Variants in NALCN observed in about 807,000 individuals in gnomAD.
NALCN encodes sodium leak channel, non-selective, also known as sodium leak channel NALCN.
Under a neutral mutation model 225.3 loss-of-function variants are expected in NALCN, and 111 were observed. The ratio of observed to expected loss-of-function variants is 0.49; its 90% CI spans 0.42 to 0.58. The LOEUF (loss-of-function observed/expected upper bound fraction) is 0.58. Ranked by LOEUF, NALCN falls within the 20% of genes least tolerant of loss-of-function variation. The probability of loss-of-function intolerance (pLI) is 0.00; values close to 1 mark genes in which losing one functional copy is unlikely to be tolerated. For missense variants in NALCN, 1,378 were observed against 2,202.4 expected, an observed-to-expected ratio of 0.63 and a Z score of 7.49; for synonymous variants, 764 against 769.0, an observed-to-expected ratio of 0.99 and a Z score of 0.11.
chr13:101,228,729 A>G (rs1039224119), intron 13 of NALCN, among the ~76,000 whole-genome samples: 2 of 152,164 alleles, frequency 1.3e-5, no homozygotes, highest in Non-Finnish European at 2.9e-5. Context: ...GGACTAATAC[A>G]CCATATAATA....
chr13:101,413,080 A>C (rs1015175645), intron 1 of NALCN, among the ~76,000 whole-genome samples: 10 of 152,198 alleles, frequency 6.6e-5, no homozygotes, highest in African/African-American at 2.4e-4. Context: ...TAAAAGAGGG[A>C]ATGTGATCCA....
At chr13:101,360,253 T>C (rs1001074071) in intron 6 of NALCN, among the ~76,000 whole-genome samples, 1 of 145,146 alleles carries the variant, frequency 6.9e-6, no homozygotes, top group Non-Finnish European at 1.5e-5. Flanking sequence ...CTTCCTTCGA[T>C]GGAGTTTCAC....
intron 13 of NALCN, among the ~76,000 whole-genome samples, chr13:101,202,209 A>C (rs1566424702): frequency 6.6e-6 from 1 of 152,232 alleles, no homozygotes; most frequent in Non-Finnish European, 1.5e-5. Context: ...ATTGATATAC[A>C]GTAAATGCTG....
intron 6 of NALCN, among the ~76,000 whole-genome samples, chr13:101,369,490 T>A (rs76424207): frequency 0.018 from 2,746 of 152,274 alleles, 78 homozygotes; most frequent in African/African-American, 0.062. Flanking sequence ...CATTCGTGTA[T>A]CTGTTCTCAA....
At chr13:101,306,111 T>A (rs912706996) in intron 7 of NALCN, among the ~76,000 whole-genome samples, 2 of 152,044 alleles carry the variant, frequency 1.3e-5, no homozygotes, top group Non-Finnish European at 1.5e-5. Flanking sequence ...GAGGGGACTA[T>A]CCAGATTAAT....
Position 101,110,608 on chromosome 13 carries a change from T to A in NALCN, c.2364+11A>T, listed in dbSNP as rs1229398908. ...ACGTTTCTGAAATCCAAAGCATTGC[T>A]TAAAACTTACATCTTGAGTCAAAGT... On this transcript the variant is annotated intron_variant, in intron 20 of 43. Coordinates refer to ENST00000251127, the MANE Select transcript of NALCN (RefSeq NM_052867.4). 2 of 1,613,646 alleles carry A rather than the reference T, an allele frequency of 1.2e-6. No individual in the cohort carries two copies. The highest frequency in any genetic ancestry group is 2.7e-5 in the African/African-American group (2 of 74,918).
intron 3 of NALCN, among the ~76,000 whole-genome samples, chr13:101,383,138 C>G (rs1297884120): frequency 6.6e-6 from 1 of 152,170 alleles, no homozygotes; most frequent in East Asian, 1.9e-4. Flanking sequence ...CCGAAAAATT[C>G]TGCCAAGTCT....
intron 7 of NALCN, among the ~76,000 whole-genome samples, chr13:101,314,744 T>C (rs561758): frequency 0.41 from 62,024 of 152,000 alleles, 13,021 homozygotes; most frequent in Middle Eastern, 0.47. Context: ...ATCCTCCCAC[T>C]AATAAGGCTT....
In NALCN at chr13:101,097,593, T is replaced by C. The variant is rs150685714; in HGVS notation, c.3163-1913A>G. Among the ~76,000 whole-genome samples, 172 of 152,308 alleles carry C rather than the reference T, an allele frequency of 1.1e-3. 1 individual carries two copies. Among genetic ancestry groups the C allele is most frequent in the African/African-American group, 4.0e-3 (167 of 41,580 alleles). ...TAGGTGGGTGACCTTGGACAAATTA[T>C]TTAATCTTTCTACACCTGTTTTCCT... On this transcript the variant is annotated intron_variant, in intron 27 of 43. Coordinates refer to ENST00000251127, the MANE Select transcript of NALCN (RefSeq NM_052867.4).
At chr13:101,293,496 TCTA>T (rs2043624617) in intron 7 of NALCN, among the ~76,000 whole-genome samples, 2 of 152,228 alleles carry the variant, frequency 1.3e-5, no homozygotes, top group South Asian at 4.1e-4. Flanking sequence ...CTCAATAAAT[TCTA>T]CTTCTATAAA....
At chr13:101,322,642 G>T (rs1480946762) in intron 7 of NALCN, among the ~76,000 whole-genome samples, 1 of 152,132 alleles carries the variant, frequency 6.6e-6, no homozygotes, top group African/African-American at 2.4e-5. Flanking sequence ...GATTTAAATA[G>T]AAACCACTTG....
At chr13:101,330,959 A>G (rs1413552036) in intron 7 of NALCN, among the ~76,000 whole-genome samples, 2 of 152,192 alleles carry the variant, frequency 1.3e-5, no homozygotes, top group African/African-American at 2.4e-5. Flanking sequence ...GGAACTGTGA[A>G]TCTATTAAAT....
chr13:101,056,506 C>T (rs1486455788), intron 43 of NALCN, among the ~76,000 whole-genome samples: 1 of 152,094 alleles, frequency 6.6e-6, no homozygotes, highest in Non-Finnish European at 1.5e-5. Context: ...AAATGATCCA[C>T]CTGCCTCGGC....
At chr13:101,150,578 T>C (rs2139821585) in intron 15 of NALCN, among the ~76,000 whole-genome samples, 1 of 152,258 alleles carries the variant, frequency 6.6e-6, no homozygotes, top group East Asian at 1.9e-4. Flanking sequence ...GAGGTGACCA[T>C]GATACACAAA....
chr13:101,113,855 C>T (rs2035567216), intron 18 of NALCN, among the ~76,000 whole-genome samples: 1 of 152,100 alleles, frequency 6.6e-6, no homozygotes, highest in African/African-American at 2.4e-5. Flanking sequence ...TTAGTTATTC[C>T]CCTTACTAGG....
intron 17 of NALCN, 74 bp from the exon 18 acceptor site, chr13:101,124,755 T>A: frequency 8.5e-7 from 1 of 1,181,456 alleles, no homozygotes; most frequent in Non-Finnish European, 1.2e-6. Flanking sequence ...ATTCAATAGA[T>A]GACATTGTTA....
chr13:101,185,540 A>G (rs1425457455), intron 14 of NALCN, among the ~76,000 whole-genome samples: 1 of 152,250 alleles, frequency 6.6e-6, no homozygotes, highest in Non-Finnish European at 1.5e-5. Flanking sequence ...GGGGAAAAAG[A>G]TGAATTTAAC....
chr13:101,103,264 G>A lies in NALCN; in HGVS notation c.2965C>T (p.Arg989Trp), dbSNP rs780670049. The part of the protein sequence containing the change: ...ESGAQLLMVL[R>W]CLRPLRIFKL... The stretch of plus-strand genomic sequence containing the variant: ...AATATGCGCAGAGGTCTCAGGCACC[G>A]AAGGACCATTAGAAGCTGAGCTCCC... Residue 989 changes from arginine (R) to tryptophan (W), a missense_variant, in exon 26 of 44, where the codon CGG (arginine) becomes TGG (tryptophan). Arg to Trp is a moderately radical substitution (Grantham distance 101). Coordinates refer to ENST00000251127, the MANE Select transcript of NALCN (RefSeq NM_052867.4). The A allele has an allele frequency of 5.6e-6, 9 of 1,613,866 alleles. No individual in the cohort carries two copies. The highest frequency in any genetic ancestry group is 5.3e-5 in the African/African-American group (4 of 74,902).
intron 1 of NALCN, among the ~76,000 whole-genome samples, chr13:101,402,258 T>C: frequency 6.6e-6 from 1 of 152,208 alleles, no homozygotes; most frequent in South Asian, 2.1e-4. Context: ...TAAAAGTAGT[T>C]GGTATTTAAA....
Sources: allele counts gnomAD v4.1 joint callset (sites outside exome capture counted in the v4.1 genomes callset), GRCh38; gene constraint gnomAD v4.1.1; transcripts MANE v1.5; gene names NCBI Gene and HGNC (gene_info 2026-07-23, HGNC 2026-07-21).